The following CHKA variants were observed in gnomAD, a reference collection of about 807,000 sequenced individuals.
CHKA encodes CHETK-alpha.
A neutral mutation model predicts 60.1 loss-of-function variants in CHKA; 34 were observed. The observed-to-expected ratio is 0.57, with a 90% CI of 0.43 to 0.75. CHKA has a LOEUF of 0.75. Among genes scored for constraint, CHKA ranks in the 30% least tolerant of loss-of-function variants. The probability of loss-of-function intolerance (pLI) is 0.00; values close to 1 mark genes in which losing one functional copy is unlikely to be tolerated. For synonymous variants in CHKA, 217 were observed against 223.1 expected (o/e 0.97, Z 0.24); for missense variants, 563 against 561.3 (o/e 1.00, Z -0.03).
In CHKA at chr11:68,120,804, G is replaced by GC. The variant is rs560866089; in HGVS notation, c.350+23dup. 1.5e-4 allele frequency: 174 copies of GC among 1,190,858 alleles called. 1 individual carries two copies. In the African/African-American group the frequency reaches 2.6e-3, roughly 18 times the overall value. 73.8% of individuals were successfully genotyped at this position (1,190,858 alleles called of 1,614,324 possible). A position where few individuals can be genotyped will look rare whatever the true frequency, so the allele number is the denominator to read the frequency against. ...CCCCGCGTCACCTGACTGTCCCGCG[G>GC]CCCCCAGACCCGGCGCCACCGACCT... On this transcript the variant is annotated intron_variant, in intron 1 of 11. Coordinates refer to ENST00000265689, the MANE Select transcript of CHKA (RefSeq NM_001277.3).
chr11:68,079,741 G>A (rs533795797), intron 3 of CHKA, among the ~76,000 whole-genome samples: 6 of 152,288 alleles, frequency 3.9e-5, no homozygotes, highest in Admixed American at 1.3e-4. Flanking sequence ...TCGGCCGGGC[G>A]ATTTCATGGC....
At chr11:68,063,370 C>G (rs763946569) in intron 10 of CHKA, among the ~76,000 whole-genome samples, 1 of 151,880 alleles carries the variant, frequency 6.6e-6, no homozygotes, top group African/African-American at 2.4e-5. Flanking sequence ...CATGGTGGTA[C>G]GTGCCTGTAG....
chr11:68,069,154 G>A (rs1856536395), intron 6 of CHKA, among the ~76,000 whole-genome samples: 1 of 152,088 alleles, frequency 6.6e-6, no homozygotes, highest in Admixed American at 6.6e-5. Flanking sequence ...CTCTGCATGT[G>A]CCGCTCCCTC....
chr11:68,058,830 G>A (rs1856119102), intron 11 of CHKA, among the ~76,000 whole-genome samples: 1 of 152,226 alleles, frequency 6.6e-6, no homozygotes, highest in East Asian at 1.9e-4. Context: ...TGCATGTTCT[G>A]TACTTGGGGT....
intron 3 of CHKA, among the ~76,000 whole-genome samples, 179 bp from the exon 4 acceptor site, chr11:68,075,009 G>A (rs183213139): frequency 2.6e-5 from 4 of 152,266 alleles, no homozygotes; most frequent in Admixed American, 2.6e-4. Flanking sequence ...GTCACACATC[G>A]TGTCATTTGC....
chr11:68,099,283 CACTGGACTGT>C (rs1857618801), intron 1 of CHKA, among the ~76,000 whole-genome samples: 1 of 152,184 alleles, frequency 6.6e-6, no homozygotes, highest in Non-Finnish European at 1.5e-5. Context: ...CACTAAAAGC[CACTGGACTGT>C]ACAATTTAAA....
intron 1 of CHKA, among the ~76,000 whole-genome samples, chr11:68,112,397 A>C (rs535485264): frequency 6.6e-6 from 1 of 152,074 alleles, no homozygotes; most frequent in Non-Finnish European, 1.5e-5. Context: ...AGCTGGCATT[A>C]CAGGTGCCCA....
At chr11:68,055,528 C>A (rs1358493257) in intron 11 of CHKA, among the ~76,000 whole-genome samples, 1 of 152,232 alleles carries the variant, frequency 6.6e-6, no homozygotes, top group African/African-American at 2.4e-5. Context: ...CTGGCTGTCG[C>A]GACTGCATTC....
chr11:68,082,875 GA>G (rs549325900), intron 2 of CHKA, among the ~76,000 whole-genome samples: 383 of 152,316 alleles, frequency 2.5e-3, no homozygotes, highest in Non-Finnish European at 4.3e-3. Flanking sequence ...GTTCTCTGAT[GA>G]AAAGATGTTA....
intron 1 of CHKA, among the ~76,000 whole-genome samples, chr11:68,109,018 G>C (rs918344250): frequency 4.1e-4 from 42 of 102,350 alleles, no homozygotes; most frequent in African/African-American, 1.2e-3. Context: ...GAAAACTGAG[G>C]GGGGGAAAAA....
chr11:68,054,302 C>A (rs914314089), intron 11 of CHKA, among the ~76,000 whole-genome samples: 11 of 152,236 alleles, frequency 7.2e-5, no homozygotes, highest in African/African-American at 2.7e-4. Context: ...CAGCCCAGCC[C>A]TGCCTCTCAG....
chr11:68,119,530 C>T (rs564121367), intron 1 of CHKA, among the ~76,000 whole-genome samples: 33 of 152,250 alleles, frequency 2.2e-4, no homozygotes, highest in African/African-American at 7.2e-4. Flanking sequence ...AGTGCAGTGG[C>T]GTGATCTCGG....
chr11:68,061,765 C>T (rs1184907352), intron 11 of CHKA, 188 bp downstream of exon 11: 1 of 637,914 alleles, frequency 1.6e-6, no homozygotes, highest in Non-Finnish European at 2.9e-6. Flanking sequence ...GTGACAGCGG[C>T]TTCTCCCCCG....
At chr11:68,066,078 T>C (rs906762064) in intron 8 of CHKA, among the ~76,000 whole-genome samples, 184 bp from the exon 9 acceptor site, 2 of 152,160 alleles carry the variant, frequency 1.3e-5, no homozygotes, top group African/African-American at 4.8e-5. Context: ...TTGATCAGCA[T>C]CACAGCTGAC....
At chr11:68,093,502 A>AT (rs1305091201) in intron 2 of CHKA, among the ~76,000 whole-genome samples, 1 of 152,236 alleles carries the variant, frequency 6.6e-6, no homozygotes, top group East Asian at 1.9e-4. Flanking sequence ...AGCTAATTAC[A>AT]TTTTAAGTGG....
intron 1 of CHKA, among the ~76,000 whole-genome samples, chr11:68,113,005 C>T (rs1473598811): frequency 7.5e-6 from 1 of 133,986 alleles, no homozygotes; most frequent in African/African-American, 2.8e-5. Flanking sequence ...TGGCGTGAAA[C>T]CGGGAGACGG....
intron 1 of CHKA, among the ~76,000 whole-genome samples, chr11:68,100,690 GCA>G (rs145597831): frequency 1.5e-4 from 22 of 149,794 alleles, no homozygotes; most frequent in African/African-American, 3.2e-4. Flanking sequence ...ATATATATAT[GCA>G]CACACACACA....
At chr11:68,105,947 G>C (rs191991474) in intron 1 of CHKA, among the ~76,000 whole-genome samples, 8 of 150,598 alleles carry the variant, frequency 5.3e-5, no homozygotes, top group Admixed American at 1.3e-4. Context: ...TGACTAGAAA[G>C]AAAAAAAAAT....
Position 68,111,057 on chromosome 11 carries a change from T to C in CHKA, c.350+9771A>G, listed in dbSNP as rs1049997344. ...ATCAGGAGAGGCAAAAAACCTAGAA[T>C]AGCCAATGAAGAATAAAGTCAGAGG... On this transcript the variant is annotated intron_variant, in intron 1 of 11. Coordinates refer to ENST00000265689, the MANE Select transcript of CHKA (RefSeq NM_001277.3). Among the ~76,000 whole-genome samples the C allele has an allele frequency of 3.3e-5, 5 of 150,198 alleles. No individual in the cohort carries two copies. In the East Asian group the frequency reaches 7.9e-4, roughly 24 times the overall value.
Sources: gnomAD v4.1 joint callset for allele counts (sites outside exome capture counted in the v4.1 genomes callset) on GRCh38, gnomAD v4.1.1 for gene constraint, MANE v1.5 for transcripts, NCBI Gene and HGNC (gene_info 2026-07-23, HGNC 2026-07-21) for gene names.